The following SLC1A6 variants were observed in gnomAD, a reference collection of about 807,000 sequenced individuals.
SLC1A6 encodes excitatory amino acid transporter 4.
SLC1A6 carries 15 observed loss-of-function variants against 42.1 expected under a neutral mutation model. The ratio of observed to expected loss-of-function variants is 0.36; its 90% CI spans 0.24 to 0.55. The LOEUF (loss-of-function observed/expected upper bound fraction) is 0.55. Among genes scored for constraint, SLC1A6 ranks in the 20% least tolerant of loss-of-function variants. SLC1A6 has a pLI of 0.88. For missense variants in SLC1A6, 542 were observed against 772.5 expected, an observed-to-expected ratio of 0.70 and a Z score of 3.54; for synonymous variants, 317 against 319.7, an observed-to-expected ratio of 0.99 and a Z score of 0.09.
At chr19:14,956,255 C>T (rs911198439) in intron 7 of SLC1A6, among the ~76,000 whole-genome samples, 3 of 152,096 alleles carry the variant, frequency 2.0e-5, no homozygotes, top group Non-Finnish European at 1.5e-5. Flanking sequence ...ACCTGGTTCT[C>T]CTCCACAGAA....
At chr19:14,975,624 C>T (rs562785566) in intron 1 of SLC1A6, among the ~76,000 whole-genome samples, 16 of 151,696 alleles carry the variant, frequency 1.1e-4, no homozygotes, top group African/African-American at 1.7e-4. Context: ...ATGTGTCACA[C>T]GCCTGTAATC....
At chr19:14,993,213 A>G (rs2045829314) in intron 1 of SLC1A6, among the ~76,000 whole-genome samples, 1 of 152,198 alleles carries the variant, frequency 6.6e-6, no homozygotes, top group South Asian at 2.1e-4. Context: ...ACTTATATTT[A>G]TATAAAATAC....
At chr19:14,950,423 G>A (rs1466664883) in intron 9 of SLC1A6, 33 bp from the exon 10 acceptor site, 7 of 1,485,516 alleles carry the variant, frequency 4.7e-6, no homozygotes, top group Non-Finnish European at 9.1e-7. Flanking sequence ...TGCCATTAAT[G>A]GGGGCTTGAA....
chr19:14,950,491 GC>G lies in SLC1A6; in HGVS notation c.1500-102del, dbSNP rs1265674366. 1.3e-5 allele frequency: 10 copies of G among 780,198 alleles called. No individual in the cohort carries two copies. In the Admixed American group the frequency reaches 2.1e-4, roughly 16 times the overall value. 48.3% of individuals were successfully genotyped at this position (780,198 alleles called of 1,614,324 possible). On this transcript the variant is annotated intron_variant, in intron 9 of 9. Coordinates refer to ENST00000594383, the MANE Select transcript of SLC1A6 (RefSeq NM_005071.3). ...GGTCCCTGTGCCAGGGAGTCAGAGG[GC>G]TCCCATTGCAGTACAATCCATGACC...
chr19:14,968,208 C>T (rs1373649667), intron 4 of SLC1A6, 95 bp downstream of exon 4: 1 of 1,044,600 alleles, frequency 9.6e-7, no homozygotes, highest in Admixed American at 2.2e-5. Flanking sequence ...TGCTTCCCAG[C>T]CTGTGGGATG....
chr19:15,007,791 G>A (rs1364236859), intron 1 of SLC1A6, among the ~76,000 whole-genome samples: 3 of 152,084 alleles, frequency 2.0e-5, no homozygotes, highest in South Asian at 2.1e-4. Context: ...TTGTGGGGGC[G>A]AGACGGGTGG....
At chr19:14,956,786 C>T (rs1644201056) in intron 6 of SLC1A6, 77 bp from the exon 7 acceptor site, 2 of 984,418 alleles carry the variant, frequency 2.0e-6, no homozygotes, top group South Asian at 3.0e-5. Flanking sequence ...ATCCCCAAGG[C>T]TTTGCCCATA....
chr19:14,971,664 T>C, intron 3 of SLC1A6, 73 bp downstream of exon 3: 1 of 1,464,440 alleles, frequency 6.8e-7, no homozygotes, highest in Non-Finnish European at 9.4e-7. Flanking sequence ...ATGCTTGGGA[T>C]GGCCTTGGCT....
intron 1 of SLC1A6, among the ~76,000 whole-genome samples, chr19:14,993,130 A>C (rs539930264): frequency 6.6e-6 from 1 of 152,120 alleles, no homozygotes; most frequent in Non-Finnish European, 1.5e-5. Flanking sequence ...CTAAAAGTAG[A>C]ATTTCAGGGG....
intron 5 of SLC1A6, 53 bp from the exon 6 acceptor site, chr19:14,962,398 C>A (rs1013699654): frequency 1.5e-6 from 2 of 1,374,126 alleles, no homozygotes; most frequent in Non-Finnish European, 2.0e-6. Context: ...GCATTAGAAT[C>A]GCCTGGAGAA....
chr19:15,002,904 T>C (rs1180780005), intron 1 of SLC1A6, among the ~76,000 whole-genome samples: 1 of 152,070 alleles, frequency 6.6e-6, no homozygotes, highest in East Asian at 1.9e-4. Context: ...GTTTGTTTGT[T>C]TGTTTGTTTG....
intron 1 of SLC1A6, among the ~76,000 whole-genome samples, chr19:14,997,942 A>G (rs942474313): frequency 6.6e-6 from 1 of 151,130 alleles, no homozygotes; most frequent in Non-Finnish European, 1.5e-5. Flanking sequence ...TCCAATCTTC[A>G]TGTCTTTTTT....
Position 14,993,294 on chromosome 19 carries a change from G to A in SLC1A6, c.6+17191C>T, listed in dbSNP as rs76515632. On this transcript the variant is annotated intron_variant, in intron 1 of 8. Transcript: ENST00000430939. ...CCCAGGGCTGGAGTCGGGGGGCAAT[G>A]GTGAGTGACTGCTGATGATGGGTAG... 6.3e-4 allele frequency among the ~76,000 whole-genome samples: 96 copies of A among 152,070 alleles called. 2 individuals carry two copies. In the East Asian group the frequency reaches 0.015, roughly 24 times the overall value.
chr19:14,961,798 T>G, intron 6 of SLC1A6: 1 of 653,850 alleles, frequency 1.5e-6, no homozygotes, highest in South Asian at 2.3e-5. Flanking sequence ...GAAGAATGAA[T>G]GAATGAACAG....
At chr19:14,973,455 C>A (rs8106695) in intron 1 of SLC1A6, 109,452 of 151,532 alleles carry the variant, frequency 0.72, 39,865 homozygotes, top group African/African-American at 0.82. Flanking sequence ...TAACTAAAAA[C>A]AAAATGGCAG....
At chr19:14,978,905 C>T (rs1169817607) in intron 1 of SLC1A6, among the ~76,000 whole-genome samples, 3 of 152,008 alleles carry the variant, frequency 2.0e-5, no homozygotes, top group Admixed American at 6.6e-5. Flanking sequence ...CCTACCTACA[C>T]ACAGAAACAC....
At chr19:14,990,851 A>C (rs2045816742) in intron 1 of SLC1A6, among the ~76,000 whole-genome samples, 1 of 152,196 alleles carries the variant, frequency 6.6e-6, no homozygotes, top group Non-Finnish European at 1.5e-5. Flanking sequence ...CTAGTTAATA[A>C]CAATACAGTG....
chr19:14,978,514 C>G (rs2045735677), intron 1 of SLC1A6, among the ~76,000 whole-genome samples: 1 of 151,720 alleles, frequency 6.6e-6, no homozygotes, highest in Non-Finnish European at 1.5e-5. Flanking sequence ...CATGCAACCA[C>G]ACACACACCC....
At chr19:14,969,647 A>G (rs1352772145) in intron 3 of SLC1A6, among the ~76,000 whole-genome samples, 1 of 152,158 alleles carries the variant, frequency 6.6e-6, no homozygotes, top group Non-Finnish European at 1.5e-5. Flanking sequence ...CTGTGCAGAT[A>G]TCCCCATCTC....
Sources: gnomAD v4.1 joint callset for allele counts (sites outside exome capture counted in the v4.1 genomes callset) on GRCh38, gnomAD v4.1.1 for gene constraint, MANE v1.5 for transcripts, NCBI Gene and HGNC (gene_info 2026-07-23, HGNC 2026-07-21) for gene names.